The following KCNJ4 variants were observed in gnomAD, a reference collection of about 807,000 sequenced individuals.
KCNJ4 encodes the protein inward rectifier potassium channel 4.
KCNJ4 carries 3 observed loss-of-function variants against 25.6 expected under a neutral mutation model. The observed-to-expected ratio is 0.12, with a 90% CI of 0.05 to 0.30. The LOEUF (loss-of-function observed/expected upper bound fraction) is 0.30. KCNJ4 is among the 10% of genes least tolerant of loss of function. The probability of loss-of-function intolerance (pLI) is 1.00; values close to 1 mark genes in which losing one functional copy is unlikely to be tolerated. For missense variants in KCNJ4, 286 were observed against 666.8 expected (o/e 0.43, Z 6.29); for synonymous variants, 257 against 283.9 (o/e 0.91, Z 0.95).
intron 1 of KCNJ4, among the ~76,000 whole-genome samples, chr22:38,441,020 G>T (rs1215109514): frequency 6.6e-6 from 1 of 152,224 alleles, no homozygotes. Context: ...GACTGGCTGG[G>T]CCAAGGGCAT....
intron 1 of KCNJ4, among the ~76,000 whole-genome samples, chr22:38,446,279 T>C (rs2089374313): frequency 6.6e-6 from 1 of 152,206 alleles, no homozygotes. Context: ...CTCTGGCAAG[T>C]GGTCCTCTCT....
chr22:38,453,003 T>G (rs905263529), intron 1 of KCNJ4, among the ~76,000 whole-genome samples: 1 of 129,020 alleles, frequency 7.8e-6, no homozygotes, highest in South Asian at 2.5e-4. Flanking sequence ...AGGGGCCCCC[T>G]CCTCCTCACA....
chr22:38,448,201 G>C (rs2089388538), intron 1 of KCNJ4, among the ~76,000 whole-genome samples: 2 of 149,734 alleles, frequency 1.3e-5, no homozygotes, highest in Non-Finnish European at 3.0e-5. Context: ...AGCTGAGATT[G>C]TGCCATTGCA....
chr22:38,428,202 C>A, intron 1 of KCNJ4, 31 bp from the exon 2 acceptor site: 1 of 1,534,564 alleles, frequency 6.5e-7, no homozygotes, highest in Admixed American at 1.9e-5. Context: ...AGGTGAGATG[C>A]TGGGGAGCGA....
At chr22:38,442,748 CTTTTT>C (rs1194600971) in intron 1 of KCNJ4, among the ~76,000 whole-genome samples, 1 of 152,104 alleles carries the variant, frequency 6.6e-6, no homozygotes, top group Admixed American at 6.5e-5. Context: ...GCCTTTCTTT[CTTTTT>C]TTATTTTTTG....
intron 1 of KCNJ4, among the ~76,000 whole-genome samples, chr22:38,433,169 C>T (rs1266482501): frequency 2.0e-5 from 3 of 152,172 alleles, no homozygotes; most frequent in African/African-American, 4.8e-5. Context: ...TATTATTGGC[C>T]GGGTGCGGTG....
At chr22:38,436,691 A>C (rs903799803) in intron 1 of KCNJ4, among the ~76,000 whole-genome samples, 6 of 152,120 alleles carry the variant, frequency 3.9e-5, no homozygotes, top group African/African-American at 1.2e-4. Context: ...TGAGCATCTG[A>C]GCATTGAGCA....
chr22:38,429,020 G>C (rs915614635), intron 1 of KCNJ4, among the ~76,000 whole-genome samples: 1 of 150,020 alleles, frequency 6.7e-6, no homozygotes, highest in Admixed American at 6.7e-5. Context: ...GGGGGTCAAG[G>C]CTGCAGTGAG....
intron 1 of KCNJ4, among the ~76,000 whole-genome samples, chr22:38,445,554 G>GCT (rs1480426862): frequency 1.3e-5 from 2 of 152,252 alleles, no homozygotes; most frequent in East Asian, 3.9e-4. Flanking sequence ...TGCGATCACA[G>GCT]CTCAATTGCA....
At chr22:38,429,929 G>A (rs749734037) in intron 1 of KCNJ4, among the ~76,000 whole-genome samples, 6 of 152,162 alleles carry the variant, frequency 3.9e-5, no homozygotes, top group Non-Finnish European at 7.3e-5. Flanking sequence ...AGGACAACTC[G>A]GTTGCCGCAG....
Position 38,427,460 on chromosome 22 carries a change from T to G in KCNJ4, c.673A>C (p.Lys225Gln). The G allele has an allele frequency of 6.2e-7, 1 of 1,612,664 alleles. No homozygotes were observed. Among genetic ancestry groups the G allele is most frequent in the Non-Finnish European group, 8.5e-7 (1 of 1,179,154 alleles). The change falls in exon 2 of 2, where the codon AAG becomes CAG. Residue 225 changes from lysine to glutamine, a missense_variant. This residue lies in a region of KCNJ4 where 39 missense variants were observed against 100.9 expected (regional missense o/e 0.39). Transcript: ENST00000303592. ...VEAHVRAQLI[K>Q]PYMTQEGEYL... ...TCGCCCTCCTGGGTCATGTAGGGCT[T>G]GATGAGCTGGGCCCGCACGTGGGCC...
At chr22:38,437,807 A>T (rs2145939171) in intron 1 of KCNJ4, among the ~76,000 whole-genome samples, 1 of 152,290 alleles carries the variant, frequency 6.6e-6, no homozygotes, top group African/African-American at 2.4e-5. Flanking sequence ...AGTGGGGTGT[A>T]GAATACTCCA....
chr22:38,439,431 CAAAT>C (rs1292729166), intron 1 of KCNJ4, among the ~76,000 whole-genome samples: 3 of 151,924 alleles, frequency 2.0e-5, no homozygotes, highest in African/African-American at 7.3e-5. Flanking sequence ...GACTCCGTCT[CAAAT>C]AAATAAAATA....
chr22:38,441,537 G>A (rs951812103), intron 1 of KCNJ4, among the ~76,000 whole-genome samples: 5 of 152,264 alleles, frequency 3.3e-5, no homozygotes, highest in African/African-American at 1.2e-4. Flanking sequence ...GCTGCCGGCT[G>A]GTGGGGGGTG....
At chr22:38,429,228 G>C (rs2093042091) in intron 1 of KCNJ4, among the ~76,000 whole-genome samples, 1 of 152,172 alleles carries the variant, frequency 6.6e-6, no homozygotes, top group Non-Finnish European at 1.5e-5. Flanking sequence ...GCCCACACTT[G>C]TTAGGAGCAG....
intron 1 of KCNJ4, among the ~76,000 whole-genome samples, chr22:38,436,248 C>T (rs2093065131): frequency 6.6e-6 from 1 of 152,234 alleles, no homozygotes. Context: ...CGATAAGGTG[C>T]ATTTTACTCA....
chr22:38,428,146 C>T lies in KCNJ4; in HGVS notation c.-14G>A, dbSNP rs757383914. On this transcript the variant is annotated 5_prime_UTR_variant, in exon 2 of 2. Coordinates refer to ENST00000303592, the MANE Select transcript of KCNJ4 (RefSeq NM_152868.3). Reference sequence around the variant, plus strand: ...GTGTCCGTGCATGTCCTGAAGCCGGCGTGGTCACCTGGGAAGACGCAGGGC... The same window carrying T: ...GTGTCCGTGCATGTCCTGAAGCCGGTGTGGTCACCTGGGAAGACGCAGGGC... The T allele has an allele frequency of 7.5e-6, 12 of 1,598,018 alleles. No individual in the cohort carries two copies. Among genetic ancestry groups the T allele is most frequent in the Admixed American group, 1.7e-5 (1 of 59,238 alleles).
chr22:38,447,944 G>A (rs1006235781), intron 1 of KCNJ4, among the ~76,000 whole-genome samples: 4 of 151,662 alleles, frequency 2.6e-5, no homozygotes, highest in African/African-American at 9.7e-5. Context: ...CACGCCTGTA[G>A]TCCCAGCTAC....
chr22:38,447,021 G>A (rs1184599210), intron 1 of KCNJ4, among the ~76,000 whole-genome samples: 142 of 151,560 alleles, frequency 9.4e-4, no homozygotes, highest in African/African-American at 3.2e-3. Flanking sequence ...AAGGCTCAGA[G>A]AGGTGAAAAA....
Sources: gnomAD v4.1 joint callset for allele counts (sites outside exome capture counted in the v4.1 genomes callset) on GRCh38, gnomAD v4.1.1 for gene constraint, gnomAD v4.1.1 regional missense constraint, MANE v1.5 for transcripts, NCBI Gene and HGNC (gene_info 2026-07-23, HGNC 2026-07-21) for gene names.